Variants in CCM2 observed in about 807,000 individuals in gnomAD.
The protein encoded by CCM2 is CCM2 scaffold protein.
Under a neutral mutation model 44.9 loss-of-function variants are expected in CCM2, and 25 were observed. That is an observed-to-expected ratio of 0.56 (90% confidence interval 0.41 to 0.78). The LOEUF is 0.78. Among genes scored for constraint, CCM2 ranks in the 30% least tolerant of loss-of-function variants. The probability of loss-of-function intolerance (pLI) is 0.00; values close to 1 mark genes in which losing one functional copy is unlikely to be tolerated. For synonymous variants in CCM2, 219 were observed against 241.1 expected (o/e 0.91, Z 0.85); for missense variants, 481 against 580.6 (o/e 0.83, Z 1.76).
upstream of CCM2, chr7:44,999,832 G>A (rs1280260915): frequency 2.3e-6 from 1 of 439,232 alleles, no homozygotes. Context: ...GCGCTGAGTG[G>A]GCGGAGCGAA....
In CCM2 at chr7:45,001,723, A is replaced by G. The variant is rs192286801; in HGVS notation, c.30+1360A>G. On this transcript the variant is annotated intron_variant, in intron 1 of 9. Transcript: ENST00000258781. ...GTGATTTTTTTTTCTAGAGCTGTCTATCAGCTTTGGTAGAAACATGAAACA... is the reference window on the plus strand; with the variant it reads ...GTGATTTTTTTTTCTAGAGCTGTCTGTCAGCTTTGGTAGAAACATGAAACA... Among the ~76,000 whole-genome samples the G allele has an allele frequency of 1.3e-3, 196 of 152,296 alleles. 4 individuals are homozygous for G. The highest frequency in any genetic ancestry group is 6.8e-3 in the Middle Eastern group (2 of 294).
In CCM2 at chr7:45,064,633, G is replaced by C; in HGVS notation, c.459G>C (p.Val153=). Reference sequence around the variant, plus strand: ...TTCGGGATGACGCTGCACACCTGGTGGTCCTGAAGACAGGTACAGGAGGTC... The same window carrying C: ...TTCGGGATGACGCTGCACACCTGGTCGTCCTGAAGACAGGTACAGGAGGTC... ...SYVRDDAAHL[V]VLKTAQDPGI... is the part of the protein sequence containing the mutation. Residue 153 remains valine (V), a synonymous_variant, in exon 4 of 10, where the codon GTG becomes GTC. Coordinates refer to ENST00000258781, the MANE Select transcript of CCM2 (RefSeq NM_031443.4). 6.2e-7 allele frequency: 1 copy of C among 1,613,882 alleles called. No individual in the cohort carries two copies. The highest frequency in any genetic ancestry group is 8.5e-7 in the Non-Finnish European group (1 of 1,180,016).
At chr7:45,067,374 G>A (rs1419890255) in intron 4 of CCM2, among the ~76,000 whole-genome samples, 1 of 150,280 alleles carries the variant, frequency 6.7e-6, no homozygotes, top group East Asian at 2.0e-4. Context: ...TGTTGGCCAG[G>A]CTGGTCTTGA....
In CCM2 at chr7:45,000,322, G is replaced by A; in HGVS notation, c.-12G>A. The A allele has an allele frequency of 7.8e-7, 1 of 1,275,086 alleles. No individual in the cohort carries two copies. Among genetic ancestry groups the A allele is most frequent in the Admixed American group, 3.6e-5 (1 of 28,068 alleles). 79.0% of individuals were successfully genotyped at this position (1,275,086 alleles called of 1,614,324 possible). A position where few individuals can be genotyped will look rare whatever the true frequency, so the allele number is the denominator to read the frequency against. ...GCGGGCCGGGCGGGCCGCGGGAGCC[G>A]CACGCGGCGATATGGAAGAGGAGGG... On this transcript the variant is annotated 5_prime_UTR_variant, in exon 1 of 10. Coordinates refer to ENST00000258781, the MANE Select transcript of CCM2 (RefSeq NM_031443.4).
intron 1 of CCM2, among the ~76,000 whole-genome samples, chr7:45,016,887 C>G (rs1304643374): frequency 6.6e-6 from 1 of 152,204 alleles, no homozygotes; most frequent in Non-Finnish European, 1.5e-5. Flanking sequence ...ACTGTCTCGG[C>G]CTTCCAAAGT....
Position 45,037,418 on chromosome 7 carries a change from CTT to C in CCM2, c.31-816_31-815del, listed in dbSNP as rs11424221. On this transcript the variant is annotated intron_variant, in intron 1 of 9. Transcript: ENST00000258781. ...CTGCTGATCAGGGCTTCTCCCCCTA[CTT>C]TTTTTTTTTTTTTTTTTTGAGACAG... 1.1e-3 allele frequency among the ~76,000 whole-genome samples: 128 copies of C among 112,068 alleles called. 1 individual carries two copies. Among genetic ancestry groups the C allele is most frequent in the Admixed American group, 6.3e-3 (61 of 9,738 alleles). The allele number at this position is 112,068 out of a possible 152,430, so 73.5% of individuals were successfully genotyped here.
rs192320417 is a variant in CCM2 at position 45,041,935 on chromosome 7, C to T, written c.204+3509C>T. 2.1e-4 allele frequency among the ~76,000 whole-genome samples: 32 copies of T among 152,224 alleles called. 1 individual carries two copies. The highest frequency in any genetic ancestry group is 6.0e-4 in the African/African-American group (25 of 41,526). On this transcript the variant is annotated intron_variant, in intron 2 of 9. Coordinates refer to ENST00000258781, the MANE Select transcript of CCM2 (RefSeq NM_031443.4). ...GCAGTAACGAGGAAGGAGCCCTCCA[C>T]GCAGGAGGCCAAGTAGGGAATCTGA...
At chr7:45,055,038 A>T (rs1262292424) in intron 2 of CCM2, among the ~76,000 whole-genome samples, 2 of 152,230 alleles carry the variant, frequency 1.3e-5, no homozygotes, top group South Asian at 2.1e-4. Flanking sequence ...ATTCATCCCT[A>T]TAGGAAGAAA....
intron 8 of CCM2, 65 bp downstream of exon 8, chr7:45,073,636 G>A: frequency 8.9e-7 from 1 of 1,129,014 alleles, no homozygotes; most frequent in Non-Finnish European, 1.3e-6. Context: ...AGGATGGGGG[G>A]AAGGGGAGGA....
chr7:45,004,389 T>C (rs1243804976), intron 1 of CCM2, among the ~76,000 whole-genome samples: 1 of 152,206 alleles, frequency 6.6e-6, no homozygotes, highest in Non-Finnish European at 1.5e-5. Flanking sequence ...GCTTTGGTAA[T>C]GGTTATATAT....
intron 2 of CCM2, among the ~76,000 whole-genome samples, chr7:45,050,436 C>T (rs1017393194): frequency 2.0e-5 from 3 of 152,332 alleles, no homozygotes; most frequent in Middle Eastern, 3.4e-3. Context: ...GGAACTTGAA[C>T]ATCTGCAGAT....
rs185091984 is a variant in CCM2, at chr7:45,040,905, G to C, written c.204+2479G>C. 1.2e-4 allele frequency among the ~76,000 whole-genome samples: 18 copies of C among 152,316 alleles called. No individual in the cohort carries two copies. In the East Asian group the frequency reaches 3.5e-3, roughly 29 times the overall value. ...CTTGGGAGGCTGAGGCACGAGAATAGCTTGAACCCGGGAGGCGGAGGTTGC... is the reference window on the plus strand; with the variant it reads ...CTTGGGAGGCTGAGGCACGAGAATACCTTGAACCCGGGAGGCGGAGGTTGC... On this transcript the variant is annotated intron_variant, in intron 2 of 9. Coordinates refer to ENST00000258781, the MANE Select transcript of CCM2 (RefSeq NM_031443.4).
At chr7:45,048,641 T>G (rs1411767262) in intron 2 of CCM2, among the ~76,000 whole-genome samples, 11 of 152,078 alleles carry the variant, frequency 7.2e-5, no homozygotes, top group Admixed American at 4.6e-4. Flanking sequence ...TGTGCACCTG[T>G]AGTCCCAGGT....
At chr7:45,067,741 G>C (rs1798853209) in intron 4 of CCM2, 1 of 154,668 alleles carries the variant, frequency 6.5e-6, no homozygotes, top group South Asian at 2.0e-4. Context: ...TTGTCTCTGT[G>C]CATGCGCTAA....
chr7:45,030,670 C>T (rs1796924002), intron 1 of CCM2, among the ~76,000 whole-genome samples: 1 of 152,176 alleles, frequency 6.6e-6, no homozygotes, highest in African/African-American at 2.4e-5. Flanking sequence ...TTGCTTTGGC[C>T]TCCCAAAGTG....
intron 2 of CCM2, 125 bp downstream of exon 2, chr7:45,038,551 C>A: frequency 4.1e-6 from 4 of 972,324 alleles, no homozygotes; most frequent in Non-Finnish European, 6.5e-6. Flanking sequence ...GATTATCCCA[C>A]CCATTGTCTT....
At chr7:45,039,005 G>A (rs770196458) in intron 2 of CCM2, among the ~76,000 whole-genome samples, 6 of 152,224 alleles carry the variant, frequency 3.9e-5, no homozygotes, top group Middle Eastern at 3.2e-3. Context: ...GAGGTGGTCC[G>A]TAAACATGGA....
At chr7:45,009,859 A>G (rs917990312) in intron 1 of CCM2, among the ~76,000 whole-genome samples, 2 of 152,080 alleles carry the variant, frequency 1.3e-5, no homozygotes, top group South Asian at 2.1e-4. Context: ...CTAGGGTTCA[A>G]TATTTGCTTA....
chr7:45,064,471 C>T lies in CCM2; in HGVS notation c.297C>T (p.His99=). Residue 99 remains histidine (H), a synonymous_variant, in exon 4 of 10, where the codon CAC becomes CAT. Coordinates refer to ENST00000258781, the MANE Select transcript of CCM2 (RefSeq NM_031443.4). ...LHFIDNAKRA[H]QLPGHLTQEH... ...CCTGTGGTTCCTTCCAGAGAGCCCA[C>T]CAGCTTCCGGGACACTTGACTCAGG... 1 of 1,613,218 alleles carries T rather than the reference C, an allele frequency of 6.2e-7. No individual in the cohort carries two copies.
Sources: allele counts gnomAD v4.1 joint callset (sites outside exome capture counted in the v4.1 genomes callset), GRCh38; gene constraint gnomAD v4.1.1; transcripts MANE v1.5; gene names NCBI Gene and HGNC (gene_info 2026-07-23, HGNC 2026-07-21).